Variants in BIN1 observed in about 807,000 individuals in gnomAD.
The protein encoded by BIN1 is bridging integrator 1.
BIN1 carries 53 observed loss-of-function variants against 82.0 expected under a neutral mutation model. That is an observed-to-expected ratio of 0.65 (90% CI 0.52 to 0.81). BIN1 has a LOEUF of 0.81. Ranked by LOEUF, BIN1 falls within the 40% of genes least tolerant of loss-of-function variation. BIN1 has a pLI of 0.00. For missense variants in BIN1, 642 were observed against 784.4 expected, an observed-to-expected ratio of 0.82 and a Z score of 2.17; for synonymous variants, 302 against 328.0, an observed-to-expected ratio of 0.92 and a Z score of 0.86.
intron 1 of BIN1, among the ~76,000 whole-genome samples, chr2:127,094,258 C>T (rs1447049293): frequency 6.6e-6 from 1 of 152,204 alleles, no homozygotes; most frequent in Non-Finnish European, 1.5e-5. Context: ...ATATTCTTTC[C>T]ACCTTGCTGC....
intron 1 of BIN1, among the ~76,000 whole-genome samples, 175 bp from the exon 2 acceptor site, chr2:127,076,881 G>A (rs1686682405): frequency 6.6e-6 from 1 of 152,022 alleles, no homozygotes; most frequent in Non-Finnish European, 1.5e-5. Context: ...GGTCCATCAG[G>A]TTTTCAGGCC....
At chr2:127,079,090 C>A (rs1686979481) in intron 1 of BIN1, among the ~76,000 whole-genome samples, 1 of 152,230 alleles carries the variant, frequency 6.6e-6, no homozygotes, top group Non-Finnish European at 1.5e-5. Context: ...CCCACACTGG[C>A]CACCAGGGCT....
chr2:127,070,864 A>C, intron 2 of BIN1, 48 bp from the exon 3 acceptor site: 1 of 1,575,226 alleles, frequency 6.3e-7, no homozygotes, highest in Non-Finnish European at 8.6e-7. Context: ...TGGCACACCC[A>C]GTCCCTGACC....
intron 14 of BIN1, 95 bp downstream of exon 14, chr2:127,053,327 A>C: frequency 1.3e-6 from 2 of 1,543,910 alleles, no homozygotes; most frequent in Non-Finnish European, 1.8e-6. Flanking sequence ...TGTGGGGTGC[A>C]TGCACCTGTG....
intron 1 of BIN1, among the ~76,000 whole-genome samples, chr2:127,085,666 C>A (rs13425623): frequency 0.18 from 26,778 of 152,130 alleles, 2,488 homozygotes; most frequent in South Asian, 0.22. Context: ...CCAGGGTGGC[C>A]AGACGCACCC....
intron 1 of BIN1, among the ~76,000 whole-genome samples, chr2:127,089,748 C>T (rs1678671277): frequency 6.6e-6 from 1 of 152,110 alleles, no homozygotes; most frequent in Non-Finnish European, 1.5e-5. Flanking sequence ...ACTGCTGGGG[C>T]AGAAGGTGCT....
rs1683830937 is a variant in BIN1 at position 127,057,376 on chromosome 2, TC to T, written c.1131+96del. The T allele has an allele frequency of 7.1e-7, 1 of 1,402,344 alleles. No individual in the cohort carries two copies. The highest frequency in any genetic ancestry group is 1.5e-5 in the South Asian group (1 of 64,996). 86.9% of individuals were successfully genotyped at this position (1,402,344 alleles called of 1,614,324 possible). On this transcript the variant is annotated intron_variant, in intron 12 of 18. Transcript: ENST00000316724. The surrounding 1 kb of genome is among the most constrained non-coding windows in gnomAD (Gnocchi z 5.0). ...AAACTGACACTCTCTCTGGCCAGAT[TC>T]CTGGCTCTTGAGACAGAAGCATAGA...
chr2:127,074,785 C>G (rs1352581741), intron 2 of BIN1, among the ~76,000 whole-genome samples: 1 of 152,238 alleles, frequency 6.6e-6, no homozygotes, highest in Non-Finnish European at 1.5e-5. Flanking sequence ...CCACCGCAAC[C>G]TCTGCCTCCC....
intron 1 of BIN1, among the ~76,000 whole-genome samples, chr2:127,083,192 C>G (rs1186434738): frequency 6.6e-6 from 1 of 151,476 alleles, no homozygotes; most frequent in African/African-American, 2.4e-5. Context: ...CTTAAACGAT[C>G]CGCCCACCTC....
rs1348392839 is a variant in BIN1 at position 127,068,086 on chromosome 2, C to T, written c.612+77G>A. 2.1e-6 allele frequency: 3 copies of T among 1,443,622 alleles called. No individual in the cohort carries two copies. Among genetic ancestry groups the T allele is most frequent in the Admixed American group, 3.8e-5 (2 of 52,672 alleles). The allele number at this position is 1,443,622 out of a possible 1,614,324, so 89.4% of individuals were successfully genotyped here. ...CAGCTGGGCTCAGATGCCAGCCCTG[C>T]ATTCCACCGCAGGGCGAGAGGACAG... is the stretch of plus-strand genomic sequence containing the variant. On this transcript the variant is annotated intron_variant, in intron 7 of 18. Coordinates refer to ENST00000316724, the MANE Select transcript of BIN1 (RefSeq NM_139343.3). This position sits in a 1 kb window ranked among gnomAD's most constrained non-coding sequence, Gnocchi z 4.9.
At chr2:127,102,909 A>T (rs1680540736) in intron 1 of BIN1, among the ~76,000 whole-genome samples, 1 of 152,224 alleles carries the variant, frequency 6.6e-6, no homozygotes, top group Middle Eastern at 3.2e-3. Context: ...GGAGGTACAG[A>T]CAGAGACAGA....
At chr2:127,060,617 C>G (rs117721706) in intron 10 of BIN1, 1 of 1,614,090 alleles carries the variant, frequency 6.2e-7, no homozygotes, top group Non-Finnish European at 8.5e-7. Context: ...TCTGCGCAGC[C>G]GCGAAAACAG....
At chr2:127,061,204 CG>C (rs1485258167) in intron 10 of BIN1, among the ~76,000 whole-genome samples, 1 of 133,018 alleles carries the variant, frequency 7.5e-6, no homozygotes, top group Non-Finnish European at 1.7e-5. Flanking sequence ...ACCCCCACCC[CG>C]CTACCCACCC....
chr2:127,078,059 A>G (rs58050378), intron 1 of BIN1, among the ~76,000 whole-genome samples: 24,216 of 152,196 alleles, frequency 0.16, 2,020 homozygotes, highest in South Asian at 0.25. Flanking sequence ...GCTGCCAGGA[A>G]CATCAGCTTT....
chr2:127,091,610 C>T (rs563083851), intron 1 of BIN1, among the ~76,000 whole-genome samples: 20 of 152,224 alleles, frequency 1.3e-4, no homozygotes, highest in African/African-American at 4.6e-4. Flanking sequence ...GTTGGCTGAC[C>T]GGGCGTGGTG....
chr2:127,060,698 C>T (rs1049162291), intron 10 of BIN1: 17 of 1,604,250 alleles, frequency 1.1e-5, no homozygotes, highest in Non-Finnish European at 1.7e-6. Context: ...AGGTGCAGAA[C>T]TGGCCTGTCC....
At chr2:127,101,010 G>GGGGGT (rs71393837) in intron 1 of BIN1, among the ~76,000 whole-genome samples, 1 of 139,694 alleles carries the variant, frequency 7.2e-6, no homozygotes, top group African/African-American at 2.8e-5. Flanking sequence ...GGGGGGTGGG[G>GGGGGT]ATAGACTCAA....
At chr2:127,064,560 T>C (rs66513437) in intron 7 of BIN1, among the ~76,000 whole-genome samples, 90,621 of 152,092 alleles carry the variant, frequency 0.6, 27,328 homozygotes, top group South Asian at 0.7. Flanking sequence ...CTCCCAGGGA[T>C]GGTCCTTCCC....
intron 7 of BIN1, among the ~76,000 whole-genome samples, chr2:127,066,643 G>A (rs1235247234): frequency 6.6e-6 from 1 of 152,058 alleles, no homozygotes; most frequent in East Asian, 1.9e-4. Flanking sequence ...CAGGCCTACT[G>A]AAGTCCCCCT....
Sources: allele counts gnomAD v4.1 joint callset (sites outside exome capture counted in the v4.1 genomes callset), GRCh38; gene constraint gnomAD v4.1.1; non-coding constraint Gnocchi (gnomAD v3.1); transcripts MANE v1.5; gene names NCBI Gene and HGNC (gene_info 2026-07-23, HGNC 2026-07-21).